The following LDB3 variants were observed in gnomAD, a reference collection of about 807,000 sequenced individuals.
The protein encoded by LDB3 is LIM domain binding 3.
Under a neutral mutation model 69.0 loss-of-function variants are expected in LDB3, and 49 were observed. The ratio of observed to expected loss-of-function variants is 0.71; its 90% CI spans 0.56 to 0.90. LDB3 has a LOEUF of 0.90. Ranked by LOEUF, LDB3 falls within the 40% of genes least tolerant of loss-of-function variation. The pLI is 0.00. For missense variants in LDB3, 928 were observed against 974.1 expected (o/e 0.95, Z 0.63); for synonymous variants, 387 against 396.2 (o/e 0.98, Z 0.28).
intron 7 of LDB3, among the ~76,000 whole-genome samples, chr10:86,704,903 A>G (rs1846389887): frequency 6.6e-6 from 1 of 151,768 alleles, no homozygotes. Flanking sequence ...CTTAGTAGAG[A>G]CAAGGTTTCT....
chr10:86,666,798 G>A (rs1018624900), upstream of LDB3: 16 of 470,846 alleles, frequency 3.4e-5, no homozygotes, highest in East Asian at 6.9e-5. Context: ...CCCCAGAGGC[G>A]AGCTTCATCA....
At chr10:86,679,650 G>A in intron 3 of LDB3, 132 bp downstream of exon 3, 3 of 1,045,362 alleles carry the variant, frequency 2.9e-6, no homozygotes, top group Admixed American at 1.9e-5. Flanking sequence ...GGAAGATAAG[G>A]ACAGCCCTGG....
At chr10:86,669,917 G>A (rs184228422) in intron 2 of LDB3, among the ~76,000 whole-genome samples, 135 of 152,366 alleles carry the variant, frequency 8.9e-4, no homozygotes, top group Non-Finnish European at 1.1e-3. Flanking sequence ...GGGGCTGGAG[G>A]AAGGGGTTGG....
intron 3 of LDB3, among the ~76,000 whole-genome samples, chr10:86,679,765 A>G (rs942683643): frequency 2.0e-5 from 3 of 152,224 alleles, no homozygotes; most frequent in African/African-American, 7.2e-5. Context: ...TGCTGCCCGT[A>G]CGTGGGCCAT....
chr10:86,680,261 G>A lies in LDB3; in HGVS notation c.321+104G>A, dbSNP rs45598635. The A allele has an allele frequency of 0.048, 49,916 of 1,030,926 alleles. 1,921 individuals are homozygous for A. The highest frequency in any genetic ancestry group is 0.16 in the Admixed American group (8,178 of 51,286). The allele number at this position is 1,030,926 out of a possible 1,614,324, so 63.9% of individuals were successfully genotyped here. On this transcript the variant is annotated intron_variant, in intron 4 of 13. Coordinates refer to ENST00000361373, the MANE Select transcript of LDB3 (RefSeq NM_007078.3). ...TGGCTGGCCCAACTGGGATGAGGCC[G>A]TGGGATCAGCCCTGCCCCATCCCTG...
chr10:86,681,942 A>T, intron 5 of LDB3, 139 bp downstream of exon 5: 2 of 876,638 alleles, frequency 2.3e-6, no homozygotes, highest in South Asian at 3.9e-5. Context: ...GTCAGCAGTG[A>T]TCCTGCGGCA....
At chr10:86,724,331 G>A (rs1389055842) in intron 12 of LDB3, among the ~76,000 whole-genome samples, 7 of 150,812 alleles carry the variant, frequency 4.6e-5, no homozygotes, top group East Asian at 2.0e-4. Flanking sequence ...TAGGCTGGGC[G>A]CGGTGGCTCA....
intron 7 of LDB3, among the ~76,000 whole-genome samples, chr10:86,701,525 G>T (rs1195327232): frequency 6.6e-6 from 1 of 152,210 alleles, no homozygotes; most frequent in Admixed American, 6.5e-5. Flanking sequence ...TCAGCATCCG[G>T]TGTCTGTGGG....
rs760017084 is a variant in LDB3, at chr10:86,668,734, T to C, written c.43T>C (p.Phe15Leu). The change falls in exon 2 of 14, where the codon TTC (phenylalanine) becomes CTC (leucine). Residue 15 changes from phenylalanine (F) to leucine (L), a missense_variant. Coordinates refer to ENST00000361373, the MANE Select transcript of LDB3 (RefSeq NM_007078.3). ...CCTGACTGGGCCCGGGCCCTGGGGCTTCCGTCTGCAGGGGGGCAAGGACTT... is the reference window on the plus strand; with the variant it reads ...CCTGACTGGGCCCGGGCCCTGGGGCCTCCGTCTGCAGGGGGGCAAGGACTT... ...VTLTGPGPWG[F>L]RLQGGKDFNM... The C allele has an allele frequency of 1.2e-6, 2 of 1,613,340 alleles. No individual in the cohort carries two copies. The highest frequency in any genetic ancestry group is 8.5e-7 in the Non-Finnish European group (1 of 1,179,996).
rs1411470118 is a variant in LDB3, at chr10:86,699,800, C to G, written c.897-6731C>G. 4.8e-6 allele frequency: 5 copies of G among 1,041,800 alleles called. No homozygotes were observed. In the African/African-American group the frequency reaches 8.4e-5, roughly 17 times the overall value. The allele number at this position is 1,041,800 out of a possible 1,614,324, so 64.5% of individuals were successfully genotyped here. A position where few individuals can be genotyped will look rare whatever the true frequency, so the allele number is the denominator to read the frequency against. ...GAATGAGTCACCCGTAGATCAGGGT[C>G]TGGGGAAGAGGCTGATCCCTGGCGC... On this transcript the variant is annotated intron_variant, in intron 7 of 13. Transcript: ENST00000361373. The surrounding 1 kb of genome is among the most constrained non-coding windows in gnomAD (Gnocchi z 4.9).
Position 86,716,641 on chromosome 10 carries a change from CG to C in LDB3, c.1550del (p.Gly517GlufsTer48). ...TTSISKQTLPRGGPAYTPAGP... is the reference protein window; with the variant it reads ...TTSISKQTLPXGGPAYTPAGP... ...CTCCATCAGCAAGCAGACCCTGCCCCGGGGAGGCCCAGCCTACACCCCAGCG... is the reference window on the plus strand; with the variant it reads ...CTCCATCAGCAAGCAGACCCTGCCCCGGGAGGCCCAGCCTACACCCCAGCG... On this transcript the variant is annotated frameshift_variant, in exon 10 of 14. Coordinates refer to ENST00000361373, the MANE Select transcript of LDB3 (RefSeq NM_007078.3). LOFTEE classifies it high-confidence loss of function. 6.2e-7 allele frequency: 1 copy of C among 1,613,786 alleles called. No individual in the cohort carries two copies.
At chr10:86,682,392 A>G (rs1262571517) in intron 5 of LDB3, among the ~76,000 whole-genome samples, 1 of 152,052 alleles carries the variant, frequency 6.6e-6, no homozygotes, top group African/African-American at 2.4e-5. Context: ...GTGGCGAGGA[A>G]GCAGGACCCC....
In LDB3 at chr10:86,682,045, G is replaced by A. The variant is rs1845181750; in HGVS notation, c.689+242G>A. Among the ~76,000 whole-genome samples, 6 of 152,346 alleles carry A rather than the reference G, an allele frequency of 3.9e-5. 1 individual carries two copies. In the South Asian group the frequency reaches 1.2e-3, roughly 32 times the overall value. ...GCAGAGGAGGAAACTGAGGCTCAGA[G>A]AAGGTTAAGTCACAGTCCGTTTGTC... is the stretch of plus-strand genomic sequence containing the variant. On this transcript the variant is annotated intron_variant, in intron 5 of 13. Transcript: ENST00000361373.
chr10:86,689,946 T>C (rs1307784825), intron 5 of LDB3, among the ~76,000 whole-genome samples: 1 of 152,210 alleles, frequency 6.6e-6, no homozygotes, highest in Non-Finnish European at 1.5e-5. Flanking sequence ...TCCCTGAGCC[T>C]TGGTGTCATG....
chr10:86,727,763 C>T (rs1006849099), intron 13 of LDB3, among the ~76,000 whole-genome samples: 2 of 152,046 alleles, frequency 1.3e-5, no homozygotes, highest in African/African-American at 2.4e-5. Flanking sequence ...TGTCACAAGC[C>T]TGTCTCCCCT....
rs371369837 is a variant in LDB3 at position 86,716,039 on chromosome 10, A to G, written c.1232-288A>G. ...CGTCTTATGCAGGCCTTGGGCAGTC[A>G]AGGCCTGGCGGAGCCCCACCCTGCA... On this transcript the variant is annotated intron_variant, in intron 9 of 13. Coordinates refer to ENST00000361373, the MANE Select transcript of LDB3 (RefSeq NM_007078.3). 7.4e-5 allele frequency among the ~76,000 whole-genome samples: 11 copies of G among 147,932 alleles called. No homozygotes were observed. In the East Asian group the frequency reaches 1.3e-3, roughly 17 times the overall value.
intron 5 of LDB3, among the ~76,000 whole-genome samples, chr10:86,691,014 G>A (rs1480740684): frequency 6.6e-6 from 1 of 152,204 alleles, no homozygotes; most frequent in Non-Finnish European, 1.5e-5. Context: ...GGTGGGCTGG[G>A]CGGCTTGGTC....
chr10:86,731,225 CTT>C (rs200417366), intron 13 of LDB3, among the ~76,000 whole-genome samples: 2,420 of 115,858 alleles, frequency 0.021, 44 homozygotes, highest in African/African-American at 0.079. Flanking sequence ...CCATATCTAC[CTT>C]TTTTTTTTTT....
rs7910307 is a variant in LDB3 at position 86,717,021 on chromosome 10, G to A, written c.1676+250G>A. ...TATGTGGGTGAAGCTCCAGCAGGAT[G>A]CCTGGTGCCAGGAACTCCCCCTTGG... On this transcript the variant is annotated intron_variant, in intron 10 of 13. Transcript: ENST00000361373. 0.24 allele frequency among the ~76,000 whole-genome samples: 36,096 copies of A among 152,190 alleles called. 4,773 individuals carry two copies. The highest frequency in any genetic ancestry group is 0.6 in the East Asian group (3,105 of 5,162).
Sources: allele counts gnomAD v4.1 joint callset (sites outside exome capture counted in the v4.1 genomes callset), GRCh38; gene constraint gnomAD v4.1.1; non-coding constraint Gnocchi (gnomAD v3.1); transcripts MANE v1.5; gene names NCBI Gene and HGNC (gene_info 2026-07-23, HGNC 2026-07-21).